EPHA3: variants seen among roughly 807,000 people sequenced by gnomAD.
The protein encoded by EPHA3 is ephrin type-A receptor 3.
In EPHA3, 42 loss-of-function variants were observed where a neutral mutation model predicts 107.1. The observed-to-expected ratio is 0.39, with a 90% CI of 0.31 to 0.51. The LOEUF (loss-of-function observed/expected upper bound fraction) is 0.51, where lower values mean the gene tolerates loss of function less well. Ranked by LOEUF, EPHA3 falls within the 20% of genes least tolerant of loss-of-function variation. The pLI, the probability that EPHA3 is intolerant of heterozygous loss-of-function variation, is 0.78. For missense variants in EPHA3, 1,183 were observed against 1,211.2 expected (o/e 0.98, Z 0.35); for synonymous variants, 461 against 424.8 (o/e 1.09, Z -1.05).
chr3:89,396,582 T>C (rs1299206419), intron 6 of EPHA3, among the ~76,000 whole-genome samples: 1 of 152,186 alleles, frequency 6.6e-6, no homozygotes, highest in East Asian at 1.9e-4. Flanking sequence ...TATGTGGTTA[T>C]TTTGCCCTGA....
chr3:89,208,361 A>G (rs1157624144), intron 2 of EPHA3, among the ~76,000 whole-genome samples: 8 of 110,582 alleles, frequency 7.2e-5, no homozygotes, highest in African/African-American at 2.5e-4. Context: ...CAGGAGCAAG[A>G]CTCTGTGAAA....
chr3:89,323,576 T>C (rs1392955528), intron 3 of EPHA3, among the ~76,000 whole-genome samples: 1 of 152,128 alleles, frequency 6.6e-6, no homozygotes, highest in Non-Finnish European at 1.5e-5. Context: ...TTATAAATAG[T>C]ATTTATTAGC....
chr3:89,376,682 T>C (rs1576344833), intron 5 of EPHA3, among the ~76,000 whole-genome samples: 2 of 152,064 alleles, frequency 1.3e-5, no homozygotes, highest in African/African-American at 4.8e-5. Context: ...GATTAAAATG[T>C]GTTGATAAGA....
At chr3:89,109,037 G>A (rs1472842349) in intron 1 of EPHA3, among the ~76,000 whole-genome samples, 10 of 152,040 alleles carry the variant, frequency 6.6e-5, no homozygotes, top group African/African-American at 9.7e-5. Context: ...AAAATACTTA[G>A]AAAGTTTTTT....
At chr3:89,215,286 T>C (rs1024798301) in intron 3 of EPHA3, among the ~76,000 whole-genome samples, 1 of 151,928 alleles carries the variant, frequency 6.6e-6, no homozygotes, top group African/African-American at 2.4e-5. Flanking sequence ...AAATCTGTGA[T>C]CAAATTATGT....
At chr3:89,123,549 T>A (rs1267918947) in intron 1 of EPHA3, among the ~76,000 whole-genome samples, 1 of 152,196 alleles carries the variant, frequency 6.6e-6, no homozygotes, top group Non-Finnish European at 1.5e-5. Flanking sequence ...CATCTGAAAG[T>A]CAAATCAACA....
chr3:89,348,193 C>T (rs1290499182), intron 5 of EPHA3, among the ~76,000 whole-genome samples: 2 of 131,270 alleles, frequency 1.5e-5, no homozygotes, highest in Non-Finnish European at 3.3e-5. Flanking sequence ...AGGAATGGTA[C>T]CAGTTCCTCC....
intron 2 of EPHA3, among the ~76,000 whole-genome samples, chr3:89,154,703 G>C (rs891997955): frequency 6.6e-6 from 1 of 151,382 alleles, no homozygotes; most frequent in Non-Finnish European, 1.5e-5. Flanking sequence ...TGTTGGAACA[G>C]TGTAACACAA....
intron 3 of EPHA3, among the ~76,000 whole-genome samples, chr3:89,329,814 A>C (rs1181661650): frequency 6.6e-6 from 1 of 152,044 alleles, no homozygotes. Flanking sequence ...ATGCTTGAGA[A>C]GTTTCTTCCC....
chr3:89,313,004 A>T (rs1234676956), intron 3 of EPHA3, among the ~76,000 whole-genome samples: 1 of 151,896 alleles, frequency 6.6e-6, no homozygotes, highest in Non-Finnish European at 1.5e-5. Flanking sequence ...ATTTAGGTTG[A>T]TTCCGGGTCT....
At chr3:89,450,743 C>A (rs1709968673) in intron 15 of EPHA3, among the ~76,000 whole-genome samples, 1 of 151,942 alleles carries the variant, frequency 6.6e-6, no homozygotes, top group Non-Finnish European at 1.5e-5. Context: ...GCCGTTTCTA[C>A]TAAAAATACA....
chr3:89,248,356 C>G (rs556483137), intron 3 of EPHA3, among the ~76,000 whole-genome samples: 25 of 152,262 alleles, frequency 1.6e-4, no homozygotes, highest in Middle Eastern at 3.4e-3. Flanking sequence ...CGTCTGACTT[C>G]CTGCAACTCA....
rs2107553356 is a variant in EPHA3, at chr3:89,449,270, T to C, written c.2392T>C (p.Tyr798His). The change falls in exon 14 of 17, where the codon TAC becomes CAC. Residue 798 changes from tyrosine to histidine, a missense_variant. Transcript: ENST00000336596. ...IRWTSPEAIA[Y>H]RKFTSASDVW... ...GTGGACATCACCAGAAGCTATAGCC[T>C]ACCGCAAGTTCACGTCAGCCAGCGA... 6.2e-7 allele frequency: 1 copy of C among 1,612,136 alleles called. No homozygotes were observed. Among genetic ancestry groups the C allele is most frequent in the Non-Finnish European group, 8.5e-7 (1 of 1,178,660 alleles).
chr3:89,450,836 G>A (rs1709970565), intron 15 of EPHA3, among the ~76,000 whole-genome samples: 1 of 152,114 alleles, frequency 6.6e-6, no homozygotes, highest in South Asian at 2.1e-4. Context: ...AACCTGGGAG[G>A]CAGAGGTTGC....
At chr3:89,356,225 G>T (rs1413369953) in intron 5 of EPHA3, among the ~76,000 whole-genome samples, 1 of 150,648 alleles carries the variant, frequency 6.6e-6, no homozygotes, top group Non-Finnish European at 1.5e-5. Context: ...TCTTAATCTA[G>T]TCTATCATTG....
chr3:89,245,005 A>AT (rs1704999864), intron 3 of EPHA3, among the ~76,000 whole-genome samples: 1 of 152,230 alleles, frequency 6.6e-6, no homozygotes, highest in Non-Finnish European at 1.5e-5. Context: ...AGTGTATTGC[A>AT]GAAAGGGTAA....
intron 2 of EPHA3, among the ~76,000 whole-genome samples, chr3:89,207,208 C>T (rs1280742214): frequency 3.3e-5 from 5 of 152,008 alleles, no homozygotes; most frequent in Admixed American, 2.0e-4. Flanking sequence ...ATGTCATGTT[C>T]CTTTGTTTGT....
At chr3:89,377,080 G>C (rs1708417232) in intron 5 of EPHA3, among the ~76,000 whole-genome samples, 1 of 151,910 alleles carries the variant, frequency 6.6e-6, no homozygotes, top group Non-Finnish European at 1.5e-5. Flanking sequence ...TTTGTCACAG[G>C]AATATGATCT....
At chr3:89,410,490 T>C (rs1217250546) in intron 9 of EPHA3, among the ~76,000 whole-genome samples, 1 of 152,004 alleles carries the variant, frequency 6.6e-6, no homozygotes, top group Non-Finnish European at 1.5e-5. Context: ...TTAATTTCCT[T>C]AACTTCAGCA....
Sources: allele counts gnomAD v4.1 joint callset (sites outside exome capture counted in the v4.1 genomes callset), GRCh38; gene constraint gnomAD v4.1.1; transcripts MANE v1.5; gene names NCBI Gene and HGNC (gene_info 2026-07-23, HGNC 2026-07-21).